The following SLC8A1 variants were observed in gnomAD, a reference collection of about 807,000 sequenced individuals.
SLC8A1 encodes sodium/calcium exchanger 1.
In SLC8A1, 18 loss-of-function variants were observed where a neutral mutation model predicts 68.3. That is an observed-to-expected ratio of 0.26 (90% CI 0.18 to 0.39). The LOEUF is 0.39. SLC8A1 is among the 10% of genes least tolerant of loss of function. SLC8A1 has a pLI of 1.00. For missense variants in SLC8A1, 985 were observed against 1,156.7 expected, an observed-to-expected ratio of 0.85 and a Z score of 2.15; for synonymous variants, 475 against 415.5, an observed-to-expected ratio of 1.14 and a Z score of -1.74.
intron 6 of SLC8A1, among the ~76,000 whole-genome samples, chr2:40,155,296 A>AT (rs1413334452): frequency 1.3e-5 from 2 of 151,840 alleles, no homozygotes; most frequent in Non-Finnish European, 2.9e-5. Context: ...CGCCTGGCTA[A>AT]TTTTTTGTAT....
At chr2:40,169,344 A>T (rs1285995155) in intron 4 of SLC8A1, among the ~76,000 whole-genome samples, 1 of 151,966 alleles carries the variant, frequency 6.6e-6, no homozygotes, top group Non-Finnish European at 1.5e-5. Context: ...TCCACTCAGA[A>T]CTATGCTGAC....
At chr2:40,154,833 T>G (rs1292052038) in intron 6 of SLC8A1, among the ~76,000 whole-genome samples, 1 of 151,976 alleles carries the variant, frequency 6.6e-6, no homozygotes, top group Admixed American at 6.5e-5. Flanking sequence ...CCCGGCTAAT[T>G]TTTTATTTTT....
At chr2:40,489,256 T>C (rs1431235159) in intron 1 of SLC8A1, among the ~76,000 whole-genome samples, 1 of 152,080 alleles carries the variant, frequency 6.6e-6, no homozygotes, top group African/African-American at 2.4e-5. Context: ...CATTTCACAA[T>C]CTGTAAAACA....
At chr2:40,153,626 C>A (rs1465636205) in intron 6 of SLC8A1, among the ~76,000 whole-genome samples, 2 of 152,144 alleles carry the variant, frequency 1.3e-5, no homozygotes, top group African/African-American at 2.4e-5. Context: ...AAGCCTGAAA[C>A]AACCTACCTA....
intron 2 of SLC8A1, among the ~76,000 whole-genome samples, chr2:40,298,509 G>C (rs2070839714): frequency 6.6e-6 from 1 of 152,064 alleles, no homozygotes; most frequent in African/African-American, 2.4e-5. Flanking sequence ...GGCACACAGG[G>C]GAGTACTCAT....
intron 1 of SLC8A1, among the ~76,000 whole-genome samples, chr2:40,501,115 C>A (rs935462992): frequency 6.6e-6 from 1 of 151,952 alleles, no homozygotes; most frequent in African/African-American, 2.4e-5. Context: ...CTGGAAATCT[C>A]CCCGGTTATT....
At position 40,215,944 on chromosome 2, in the gene SLC8A1, G is replaced by C. The variant is rs62148797; in HGVS notation, c.1809-38089C>G. ...ACTCCTCTGCACTGGTGTCATATCT[G>C]ACAAAATACCCAGAATTAATTGCCA... On this transcript the variant is annotated intron_variant, in intron 2 of 7. Transcript: ENST00000406785. Among the ~76,000 whole-genome samples the C allele has an allele frequency of 4.9e-3, 734 of 150,312 alleles. 2 individuals are homozygous for C. The highest frequency in any genetic ancestry group is 8.5e-3 in the Non-Finnish European group (578 of 67,830).
intron 2 of SLC8A1, chr2:40,220,439 T>A (rs1420470909): frequency 6.6e-6 from 1 of 152,190 alleles, no homozygotes; most frequent in Non-Finnish European, 1.5e-5. Flanking sequence ...GGGTGCTTGT[T>A]GGGAAGGTCC....
At chr2:40,375,844 A>G (rs1679673791) in intron 2 of SLC8A1, among the ~76,000 whole-genome samples, 1 of 152,066 alleles carries the variant, frequency 6.6e-6, no homozygotes, top group Non-Finnish European at 1.5e-5. Flanking sequence ...CTCTATAAAA[A>G]TACAAAAATT....
intron 2 of SLC8A1, among the ~76,000 whole-genome samples, chr2:40,202,926 T>A (rs2148719977): frequency 6.6e-6 from 1 of 152,074 alleles, no homozygotes; most frequent in Admixed American, 6.6e-5. Flanking sequence ...GGCACCTACA[T>A]AACCAACTTG....
At chr2:40,430,264 C>T (rs202097070) in exon 2 of SLC8A1, 148 of 1,610,862 alleles carry the variant, frequency 9.2e-5, no homozygotes, top group Non-Finnish European at 1.1e-4. Flanking sequence ...AAGACTTAAT[C>T]GCCGCATGTT....
At chr2:40,423,031 T>C (rs187453547) in intron 2 of SLC8A1, among the ~76,000 whole-genome samples, 124 of 152,290 alleles carry the variant, frequency 8.1e-4, no homozygotes, top group African/African-American at 2.8e-3. Flanking sequence ...AAATTTTGTT[T>C]CTACACATTC....
chr2:40,174,954 T>A (rs1336750191), intron 3 of SLC8A1, 112 bp from the exon 5 acceptor site: 9 of 987,726 alleles, frequency 9.1e-6, no homozygotes, highest in East Asian at 2.4e-5. Flanking sequence ...AAATTATATT[T>A]ACAATTAAGA....
At chr2:40,433,230 G>A (rs1698731411) in intron 1 of SLC8A1, among the ~76,000 whole-genome samples, 1 of 152,032 alleles carries the variant, frequency 6.6e-6, no homozygotes, top group African/African-American at 2.4e-5. Flanking sequence ...CCCTCAACAG[G>A]CTTTCTAAGA....
chr2:40,323,415 T>G (rs908580006), intron 2 of SLC8A1, among the ~76,000 whole-genome samples: 1 of 152,198 alleles, frequency 6.6e-6, no homozygotes. Flanking sequence ...ACCTGGTTTT[T>G]AAAAAAGGTC....
At chr2:40,184,898 C>CAAAAAAAAAAAAAAAAAAGAAAAAAA (rs2050375862) in intron 2 of SLC8A1, among the ~76,000 whole-genome samples, 1 of 106,528 alleles carries the variant, frequency 9.4e-6, no homozygotes, top group Non-Finnish European at 1.9e-5. Context: ...TAACCAAAAA[C>CAAAAAAAAAAAAAAAAAAGAAAAAAA]AAAAAAAAAA....
intron 7 of SLC8A1, among the ~76,000 whole-genome samples, chr2:40,123,566 G>A (rs2037405144): frequency 6.6e-6 from 1 of 152,040 alleles, no homozygotes. Flanking sequence ...GCTTCTCCTG[G>A]CATTACATTT....
chr2:40,211,184 T>C (rs567085425), intron 2 of SLC8A1, among the ~76,000 whole-genome samples: 48 of 152,364 alleles, frequency 3.2e-4, no homozygotes, highest in African/African-American at 1.1e-3. Context: ...TGCTCATCTC[T>C]TCCTTTTAAT....
chr2:40,405,599 C>A (rs1690091904), intron 2 of SLC8A1, among the ~76,000 whole-genome samples: 1 of 152,180 alleles, frequency 6.6e-6, no homozygotes. Context: ...TGCATTCCAG[C>A]ACTTACTTGC....
Sources: gnomAD v4.1 joint callset for allele counts (sites outside exome capture counted in the v4.1 genomes callset) on GRCh38, gnomAD v4.1.1 for gene constraint, MANE v1.5 for transcripts, NCBI Gene and HGNC (gene_info 2026-07-23, HGNC 2026-07-21) for gene names.